DLGAP1: variants seen among roughly 807,000 people sequenced by gnomAD.
DLGAP1 encodes DLG associated protein 1, also known as disks large-associated protein 1.
DLGAP1 carries 11 observed loss-of-function variants against 90.8 expected under a neutral mutation model. The observed-to-expected ratio is 0.12, with a 90% CI of 0.08 to 0.20. DLGAP1 has a LOEUF of 0.20. Among genes scored for constraint, DLGAP1 ranks in the 10% least tolerant of loss-of-function variants. The pLI is 1.00. For missense variants in DLGAP1, 1,050 were observed against 1,333.8 expected (o/e 0.79, Z 3.31); for synonymous variants, 558 against 540.7 (o/e 1.03, Z -0.44).
chr18:3,860,307 T>C (rs573921983), intron 4 of DLGAP1, among the ~76,000 whole-genome samples: 1 of 114,732 alleles, frequency 8.7e-6, no homozygotes, highest in African/African-American at 3.3e-5. Flanking sequence ...AACACTGTGT[T>C]TTTTCAGGCA....
intron 2 of DLGAP1, among the ~76,000 whole-genome samples, chr18:4,045,666 C>G (rs921849840): frequency 6.6e-6 from 1 of 151,604 alleles, no homozygotes; most frequent in Non-Finnish European, 1.5e-5. Flanking sequence ...TGCTGCTTTT[C>G]TCTCCTACCA....
chr18:4,177,624 C>T (rs2077132121), intron 1 of DLGAP1, among the ~76,000 whole-genome samples: 1 of 152,146 alleles, frequency 6.6e-6, no homozygotes, highest in South Asian at 2.1e-4. Flanking sequence ...TCCCTCCATC[C>T]ACCCTCATGT....
intron 1 of DLGAP1, among the ~76,000 whole-genome samples, chr18:4,252,220 G>C (rs2078794034): frequency 6.6e-6 from 1 of 152,202 alleles, no homozygotes; most frequent in Admixed American, 6.5e-5. Flanking sequence ...CTGTGACTAG[G>C]AAGGAAGGTA....
At chr18:4,149,315 A>G (rs1484193360) in intron 2 of DLGAP1, among the ~76,000 whole-genome samples, 2 of 152,244 alleles carry the variant, frequency 1.3e-5, no homozygotes, top group Admixed American at 1.3e-4. Context: ...TAGTGTCGAA[A>G]CAGAATTCAC....
intron 4 of DLGAP1, among the ~76,000 whole-genome samples, chr18:3,836,939 T>A (rs1193747452): frequency 1.3e-5 from 2 of 152,180 alleles, no homozygotes; most frequent in South Asian, 4.1e-4. Context: ...ATACAAATGA[T>A]GAACAATGAA....
At chr18:3,742,949 T>TCTATCTTCCTTCCTTCCTTCCTTCCTTC (rs144171196) in intron 5 of DLGAP1, among the ~76,000 whole-genome samples, 6 of 142,760 alleles carry the variant, frequency 4.2e-5, no homozygotes, top group African/African-American at 1.6e-4. Context: ...TATCAATTTA[T>TCTATCTTCCTTCCTTCCTTCCTTCCTTC]CTTCCTTCCT....
chr18:3,639,992 A>G (rs28620457), intron 7 of DLGAP1, among the ~76,000 whole-genome samples: 2,900 of 151,366 alleles, frequency 0.019, 86 homozygotes, highest in African/African-American at 0.067. Context: ...CTGACCTCGT[A>G]ATCCGCCTGC....
chr18:4,201,807 T>A (rs1333141915), intron 1 of DLGAP1, among the ~76,000 whole-genome samples: 1 of 152,070 alleles, frequency 6.6e-6, no homozygotes, highest in Non-Finnish European at 1.5e-5. Flanking sequence ...TGGCCATTAT[T>A]AAAAAGTCAA....
chr18:4,026,326 A>G (rs961746231), intron 2 of DLGAP1, among the ~76,000 whole-genome samples: 1 of 152,226 alleles, frequency 6.6e-6, no homozygotes, highest in Non-Finnish European at 1.5e-5. Flanking sequence ...TCCATATTCT[A>G]AAATGCCATT....
At chr18:4,147,726 G>T (rs1445982909) in intron 2 of DLGAP1, among the ~76,000 whole-genome samples, 1 of 152,160 alleles carries the variant, frequency 6.6e-6, no homozygotes, top group Non-Finnish European at 1.5e-5. Context: ...GGAATTTTAT[G>T]ATATTAAGAT....
At chr18:4,029,324 G>C (rs576412665) in intron 2 of DLGAP1, among the ~76,000 whole-genome samples, 1 of 152,258 alleles carries the variant, frequency 6.6e-6, no homozygotes, top group South Asian at 2.1e-4. Context: ...TGAAAATGCA[G>C]ATATCACTTT....
At chr18:3,555,635 A>G (rs1385316761) in intron 9 of DLGAP1, among the ~76,000 whole-genome samples, 1 of 152,028 alleles carries the variant, frequency 6.6e-6, no homozygotes, top group African/African-American at 2.4e-5. Flanking sequence ...ACATGGTGAA[A>G]CCCCGTCTCT....
chr18:3,593,231 T>C (rs1311430221), intron 7 of DLGAP1, among the ~76,000 whole-genome samples: 1 of 152,244 alleles, frequency 6.6e-6, no homozygotes, highest in Non-Finnish European at 1.5e-5. Context: ...GCAGGAACTC[T>C]TAAGTTTCAG....
At chr18:4,334,209 G>A (rs2081018802) in intron 1 of DLGAP1, among the ~76,000 whole-genome samples, 1 of 151,624 alleles carries the variant, frequency 6.6e-6, no homozygotes, top group Non-Finnish European at 1.5e-5. Context: ...TTGCACTCCA[G>A]CCCGGGCAAC....
At chr18:4,168,152 T>G (rs369485300) in intron 1 of DLGAP1, among the ~76,000 whole-genome samples, 1 of 152,146 alleles carries the variant, frequency 6.6e-6, no homozygotes, top group African/African-American at 2.4e-5. Flanking sequence ...CAATGAAGTA[T>G]AGAAATGGAG....
At chr18:4,272,147 T>C (rs1171328912) in intron 1 of DLGAP1, among the ~76,000 whole-genome samples, 2 of 152,220 alleles carry the variant, frequency 1.3e-5, no homozygotes, top group African/African-American at 4.8e-5. Flanking sequence ...TTAAATGGTG[T>C]ATTGCGTAAG....
chr18:4,382,263 C>T (rs546826273), intron 1 of DLGAP1, among the ~76,000 whole-genome samples: 10 of 152,254 alleles, frequency 6.6e-5, no homozygotes, highest in Admixed American at 2.6e-4. Context: ...CCTCACTAAA[C>T]TTTAATTTCT....
chr18:4,416,647 A>C (rs1157357746), intron 1 of DLGAP1, among the ~76,000 whole-genome samples: 6 of 152,206 alleles, frequency 3.9e-5, no homozygotes, highest in Non-Finnish European at 8.8e-5. Context: ...CAATAATCTT[A>C]ATATTTGTTT....
intron 4 of DLGAP1, among the ~76,000 whole-genome samples, chr18:3,818,815 C>G (rs749827732): frequency 1.3e-4 from 20 of 151,048 alleles, no homozygotes; most frequent in Non-Finnish European, 2.4e-4. Flanking sequence ...AGGCTGGTCT[C>G]AAACTCCTGA....
Sources: allele counts gnomAD v4.1 joint callset (sites outside exome capture counted in the v4.1 genomes callset), GRCh38; gene constraint gnomAD v4.1.1; transcripts MANE v1.5; gene names NCBI Gene and HGNC (gene_info 2026-07-23, HGNC 2026-07-21).